The following MECOM variants were observed in gnomAD, a reference collection of about 807,000 sequenced individuals.
The protein encoded by MECOM is histone-lysine N-methyltransferase MECOM.
Under a neutral mutation model 116.3 loss-of-function variants are expected in MECOM, and 13 were observed. The ratio of observed to expected loss-of-function variants is 0.11; its 90% CI spans 0.07 to 0.18. The LOEUF (loss-of-function observed/expected upper bound fraction) is 0.18. MECOM is among the 10% of genes least tolerant of loss of function. The pLI is 1.00. For missense variants in MECOM, 1,299 were observed against 1,509.0 expected (o/e 0.86, Z 2.31); for synonymous variants, 528 against 535.2 (o/e 0.99, Z 0.19).
chr3:169,575,640 A>C (rs1764404962), intron 1 of MECOM, among the ~76,000 whole-genome samples: 1 of 152,194 alleles, frequency 6.6e-6, no homozygotes, highest in African/African-American at 2.4e-5. Context: ...GGCACAAGGC[A>C]GAGAACTGAT....
At chr3:169,364,785 C>G (rs1236249367) in intron 2 of MECOM, among the ~76,000 whole-genome samples, 3 of 151,928 alleles carry the variant, frequency 2.0e-5, no homozygotes, top group Admixed American at 6.6e-5. Flanking sequence ...ATGATGAAAG[C>G]AAACAGATCT....
At chr3:169,473,131 G>T (rs1326087518) in intron 1 of MECOM, among the ~76,000 whole-genome samples, 1 of 152,184 alleles carries the variant, frequency 6.6e-6, no homozygotes, top group Non-Finnish European at 1.5e-5. Flanking sequence ...AATCTTGGAA[G>T]CTTTGTCAGA....
At chr3:169,168,122 T>A (rs1396252612) in intron 2 of MECOM, among the ~76,000 whole-genome samples, 2 of 152,188 alleles carry the variant, frequency 1.3e-5, no homozygotes, top group African/African-American at 4.8e-5. Flanking sequence ...AGACTTTTCA[T>A]AATCAGTTTT....
At chr3:169,494,655 C>T (rs367732104) in intron 1 of MECOM, among the ~76,000 whole-genome samples, 7 of 152,148 alleles carry the variant, frequency 4.6e-5, no homozygotes, top group South Asian at 4.2e-4. Flanking sequence ...ATTAACTAAT[C>T]GAGAGCACAA....
intron 1 of MECOM, among the ~76,000 whole-genome samples, chr3:169,553,286 GA>G: frequency 6.6e-6 from 1 of 152,212 alleles, no homozygotes; most frequent in East Asian, 1.9e-4. Context: ...GTTCATTTTA[GA>G]AGGGGATAAT....
intron 2 of MECOM, among the ~76,000 whole-genome samples, chr3:169,211,887 C>T (rs890790836): frequency 3.3e-5 from 5 of 152,036 alleles, no homozygotes; most frequent in South Asian, 2.1e-4. Context: ...TTCCTTAGTA[C>T]GGAACTTTTG....
At chr3:169,404,163 A>T (rs1736296727) in intron 1 of MECOM, among the ~76,000 whole-genome samples, 2 of 152,124 alleles carry the variant, frequency 1.3e-5, no homozygotes, top group Admixed American at 6.5e-5. Flanking sequence ...GAGTTTTAAA[A>T]TTTTTTTAAA....
At chr3:169,638,871 C>T (rs1377966475) in intron 1 of MECOM, among the ~76,000 whole-genome samples, 2 of 152,212 alleles carry the variant, frequency 1.3e-5, no homozygotes, top group Non-Finnish European at 2.9e-5. Flanking sequence ...TCACACTTTA[C>T]ACTTTTCTTG....
intron 1 of MECOM, among the ~76,000 whole-genome samples, chr3:169,646,060 A>G (rs1774139215): frequency 6.6e-6 from 1 of 152,170 alleles, no homozygotes; most frequent in African/African-American, 2.4e-5. Context: ...TGTCCCTACA[A>G]AGGACATGAA....
At chr3:169,448,506 A>T (rs554691931) in intron 1 of MECOM, among the ~76,000 whole-genome samples, 4 of 152,332 alleles carry the variant, frequency 2.6e-5, no homozygotes, top group African/African-American at 9.6e-5. Context: ...TTCAGTGTAC[A>T]TCTAACTTCA....
intron 2 of MECOM, among the ~76,000 whole-genome samples, chr3:169,301,035 T>C (rs1188235365): frequency 6.6e-6 from 1 of 152,248 alleles, no homozygotes; most frequent in Non-Finnish European, 1.5e-5. Flanking sequence ...TCTGTTTCTA[T>C]ATTGTGGGTT....
chr3:169,112,904 G>A (rs1354606309), intron 8 of MECOM, 30 bp from the exon 9 acceptor site: 1 of 1,500,278 alleles, frequency 6.7e-7, no homozygotes, highest in African/African-American at 1.4e-5. Context: ...TTTTGGAGAT[G>A]AAGCAGTCTC....
intron 2 of MECOM, among the ~76,000 whole-genome samples, chr3:169,284,709 C>A (rs1238342789): frequency 6.6e-6 from 1 of 152,050 alleles, no homozygotes; most frequent in African/African-American, 2.4e-5. Context: ...AAAATAAGGA[C>A]ATAGAGGTTC....
chr3:169,211,553 A>G (rs1750729868), intron 2 of MECOM, among the ~76,000 whole-genome samples: 2 of 152,102 alleles, frequency 1.3e-5, no homozygotes, highest in Non-Finnish European at 2.9e-5. Flanking sequence ...TTCTTTAAAT[A>G]TGCTCTTTCA....
At chr3:169,364,910 T>C (rs767980103) in intron 2 of MECOM, among the ~76,000 whole-genome samples, 3 of 152,108 alleles carry the variant, frequency 2.0e-5, no homozygotes, top group African/African-American at 4.8e-5. Context: ...TCATCTTTGA[T>C]TCCTGGCTTG....
chr3:169,150,660 T>G (rs962859090), intron 2 of MECOM, among the ~76,000 whole-genome samples: 1 of 152,206 alleles, frequency 6.6e-6, no homozygotes, highest in Non-Finnish European at 1.5e-5. Flanking sequence ...GAATGATTCA[T>G]CAGTGATGTT....
At chr3:169,404,264 T>A (rs1356675684) in intron 1 of MECOM, among the ~76,000 whole-genome samples, 1 of 152,128 alleles carries the variant, frequency 6.6e-6, no homozygotes, top group East Asian at 1.9e-4. Flanking sequence ...GGAGTTTTTA[T>A]TGGTTGTCTC....
At chr3:169,630,072 T>A (rs1771894197) in intron 1 of MECOM, among the ~76,000 whole-genome samples, 1 of 152,116 alleles carries the variant, frequency 6.6e-6, no homozygotes, top group African/African-American at 2.4e-5. Flanking sequence ...AGAGAGTGGC[T>A]TGTGACGCTC....
intron 2 of MECOM, among the ~76,000 whole-genome samples, chr3:169,279,544 T>C (rs1327284160): frequency 1.3e-5 from 2 of 152,346 alleles, no homozygotes; most frequent in Admixed American, 1.3e-4. Context: ...GGGAAACTTC[T>C]AGATTCCTGA....
Sources: gnomAD v4.1 joint callset for allele counts (sites outside exome capture counted in the v4.1 genomes callset) on GRCh38, gnomAD v4.1.1 for gene constraint, MANE v1.5 for transcripts, NCBI Gene and HGNC (gene_info 2026-07-23, HGNC 2026-07-21) for gene names.